UBE2K: variants seen among roughly 807,000 people sequenced by gnomAD.
The protein encoded by UBE2K is ubiquitin conjugating enzyme E2 K.
A neutral mutation model predicts 30.0 loss-of-function variants in UBE2K; 6 were observed. The ratio of observed to expected loss-of-function variants is 0.20; its 90% CI spans 0.11 to 0.39. The LOEUF (loss-of-function observed/expected upper bound fraction) is 0.39, where lower values mean the gene tolerates loss of function less well. Among genes scored for constraint, UBE2K ranks in the 10% least tolerant of loss-of-function variants. The pLI, the probability that UBE2K is intolerant of heterozygous loss-of-function variation, is 1.00. For missense variants in UBE2K, 61 were observed against 241.6 expected, an observed-to-expected ratio of 0.25 and a Z score of 4.96; for synonymous variants, 86 against 83.7, an observed-to-expected ratio of 1.03 and a Z score of -0.15.
chr4:39,777,898 T>TA, intron 6 of UBE2K, 88 bp downstream of exon 6: 1 of 1,286,292 alleles, frequency 7.8e-7, no homozygotes, highest in Non-Finnish European at 1.0e-6. Context: ...GTTTAGAAAA[T>TA]AAGAGAAATT....
chr4:39,773,425 G>A (rs1282581267), intron 4 of UBE2K, among the ~76,000 whole-genome samples: 1 of 151,930 alleles, frequency 6.6e-6, no homozygotes, highest in African/African-American at 2.4e-5. Flanking sequence ...CCGAGATCGC[G>A]CCACTGCACT....
At chr4:39,771,282 G>T in intron 4 of UBE2K, 1 of 1,611,720 alleles carries the variant, frequency 6.2e-7, no homozygotes, top group Non-Finnish European at 8.5e-7. Context: ...GTGAGCAGGC[G>T]GCTAAGATGA....
chr4:39,776,457 T>C (rs1034791498), intron 5 of UBE2K, among the ~76,000 whole-genome samples: 1 of 152,184 alleles, frequency 6.6e-6, no homozygotes, highest in African/African-American at 2.4e-5. Flanking sequence ...GTAGCTCTAC[T>C]GTCATCTACT....
At chr4:39,721,079 A>C (rs1399638518) in intron 1 of UBE2K, among the ~76,000 whole-genome samples, 1 of 151,992 alleles carries the variant, frequency 6.6e-6, no homozygotes, top group Non-Finnish European at 1.5e-5. Context: ...TTCCTGATGG[A>C]CTGTCCTACG....
At chr4:39,771,345 C>A (rs193173184) in intron 4 of UBE2K, 11 of 1,612,604 alleles carry the variant, frequency 6.8e-6, no homozygotes, top group Non-Finnish European at 8.5e-6. Flanking sequence ...CGTCGCAGAA[C>A]CACTCCTCTG....
chr4:39,776,734 TTC>T (rs1267337011), intron 5 of UBE2K, among the ~76,000 whole-genome samples: 1 of 152,140 alleles, frequency 6.6e-6, no homozygotes, highest in Non-Finnish European at 1.5e-5. Flanking sequence ...TGTCAATATA[TTC>T]TGTTATTTGT....
intron 3 of UBE2K, 134 bp downstream of exon 3, chr4:39,745,944 C>CA (rs1720965930): frequency 1.6e-6 from 1 of 638,356 alleles, no homozygotes; most frequent in African/African-American, 1.9e-5. Context: ...TTGATGTGGA[C>CA]AGGATTTTAG....
chr4:39,728,836 T>G (rs564873086), intron 1 of UBE2K, among the ~76,000 whole-genome samples: 129 of 150,330 alleles, frequency 8.6e-4, no homozygotes, highest in African/African-American at 2.6e-3. Flanking sequence ...TGTTTTTTTT[T>G]TTTTGTATTT....
intron 2 of UBE2K, among the ~76,000 whole-genome samples, chr4:39,738,684 A>G (rs1720506144): frequency 6.6e-6 from 1 of 151,570 alleles, no homozygotes; most frequent in South Asian, 2.1e-4. Flanking sequence ...TCATTTTTTG[A>G]TTGTTTGTTT....
chr4:39,741,547 C>G (rs905290217), intron 2 of UBE2K, among the ~76,000 whole-genome samples: 4 of 152,068 alleles, frequency 2.6e-5, no homozygotes, highest in Non-Finnish European at 4.4e-5. Flanking sequence ...AATGCTAAAG[C>G]AAAAGTTTAC....
At chr4:39,714,685 T>C (rs886070496) in intron 1 of UBE2K, among the ~76,000 whole-genome samples, 1 of 150,222 alleles carries the variant, frequency 6.7e-6, no homozygotes, top group African/African-American at 2.5e-5. Context: ...TAGCTGGGAT[T>C]ACAGGCATGT....
intron 1 of UBE2K, among the ~76,000 whole-genome samples, chr4:39,705,622 G>A (rs1193832268): frequency 6.6e-6 from 1 of 152,128 alleles, no homozygotes; most frequent in African/African-American, 2.4e-5. Flanking sequence ...AAAAATGGTG[G>A]GGGCAAAGAG....
chr4:39,763,214 G>A lies in UBE2K; in HGVS notation c.299+7475G>A, dbSNP rs118081442. ...CGCCTTGGCCTCCCAAATTGCTGGG[G>A]TTAAAGGCATGAGCCACTGCATCCA... On this transcript the variant is annotated intron_variant, in intron 4 of 6. Transcript: ENST00000261427. Among the ~76,000 whole-genome samples the A allele has an allele frequency of 1.2e-3, 186 of 151,322 alleles. 2 individuals carry two copies. The East Asian group carries it at 0.031, about 25-fold the overall frequency.
At chr4:39,706,636 A>G (rs535387786) in intron 1 of UBE2K, among the ~76,000 whole-genome samples, 7 of 150,986 alleles carry the variant, frequency 4.6e-5, no homozygotes, top group African/African-American at 1.5e-4. Context: ...CGCCCAGCCA[A>G]TTTTTTATAT....
rs1473921053 is a variant in UBE2K at position 39,774,883 on chromosome 4, T to C, written c.349T>C (p.Leu117=). ...RTVLLSLQAL[L]AAAEPDDPQD... is the part of the protein sequence containing the mutation. Reference sequence around the variant, plus strand: ...GGTATTATTGTCATTGCAAGCACTATTGGCAGCTGCAGAGCCAGATGATCC... The same window carrying C: ...GGTATTATTGTCATTGCAAGCACTACTGGCAGCTGCAGAGCCAGATGATCC... Residue 117 remains leucine (L), a synonymous_variant, in exon 5 of 7, where the codon TTG becomes CTG. Transcript: ENST00000261427. 4 of 1,606,364 alleles carry C rather than the reference T, an allele frequency of 2.5e-6. No homozygotes were observed. The highest frequency in any genetic ancestry group is 2.6e-6 in the Non-Finnish European group (3 of 1,174,304).
intron 5 of UBE2K, among the ~76,000 whole-genome samples, chr4:39,776,181 C>G (rs990263644): frequency 6.6e-6 from 1 of 152,188 alleles, no homozygotes; most frequent in African/African-American, 2.4e-5. Context: ...AAGGAACATT[C>G]ATATGGTTAA....
intron 1 of UBE2K, among the ~76,000 whole-genome samples, chr4:39,700,257 A>G (rs78260667): frequency 2.0e-5 from 3 of 152,164 alleles, no homozygotes; most frequent in Non-Finnish European, 1.5e-5. Flanking sequence ...AGTAATGCAT[A>G]TTAAAAAAAC....
rs1355125705 is a variant in UBE2K at position 39,712,096 on chromosome 4, G to GA, written c.63+13716dup. Among the ~76,000 whole-genome samples the GA allele has an allele frequency of 9.8e-4, 134 of 136,296 alleles. 1 individual carries two copies. The highest frequency in any genetic ancestry group is 6.5e-3 in the East Asian group (31 of 4,784). The allele number at this position is 136,296 out of a possible 152,430, so 89.4% of individuals were successfully genotyped here. On this transcript the variant is annotated intron_variant, in intron 1 of 6. Transcript: ENST00000261427. ...CTATCTCAGGAAAAAAAGAGGAAGG[G>GA]AAAAAAAAAACGTAGTTACTTGAAA...
At chr4:39,736,551 A>G (rs935104502) in intron 1 of UBE2K, among the ~76,000 whole-genome samples, 6 of 152,218 alleles carry the variant, frequency 3.9e-5, no homozygotes, top group Non-Finnish European at 8.8e-5. Flanking sequence ...GTTTGAGAAT[A>G]TAAGTGGAGA....
Sources: gnomAD v4.1 joint callset for allele counts (sites outside exome capture counted in the v4.1 genomes callset) on GRCh38, gnomAD v4.1.1 for gene constraint, MANE v1.5 for transcripts, NCBI Gene and HGNC (gene_info 2026-07-23, HGNC 2026-07-21) for gene names.